The following NUBPL variants were observed in gnomAD, a reference collection of about 807,000 sequenced individuals.
NUBPL encodes the protein NUBP iron-sulfur cluster assembly factor, mitochondrial.
Under a neutral mutation model 45.7 loss-of-function variants are expected in NUBPL, and 31 were observed. The ratio of observed to expected loss-of-function variants is 0.68; its 90% CI spans 0.51 to 0.92. NUBPL has a LOEUF of 0.92. Ranked by LOEUF, NUBPL falls within the 40% of genes least tolerant of loss-of-function variation. The pLI, the probability that NUBPL is intolerant of heterozygous loss-of-function variation, is 0.00. For synonymous variants in NUBPL, 144 were observed against 140.9 expected, an observed-to-expected ratio of 1.02 and a Z score of -0.15; for missense variants, 401 against 398.7, an observed-to-expected ratio of 1.01 and a Z score of -0.05.
At chr14:31,771,934 A>G (rs2138765416) in intron 6 of NUBPL, 1 of 931,704 alleles carries the variant, frequency 1.1e-6, no homozygotes, top group Non-Finnish European at 1.3e-6. Context: ...CCTAGCATGC[A>G]GTATGCTAGT....
At chr14:31,790,715 G>A (rs2039365491) in intron 7 of NUBPL, among the ~76,000 whole-genome samples, 1 of 152,056 alleles carries the variant, frequency 6.6e-6, no homozygotes, top group Non-Finnish European at 1.5e-5. Flanking sequence ...GCCTGGTGTG[G>A]TGGCAGGCAC....
chr14:31,633,593 C>G (rs918015105), intron 4 of NUBPL, among the ~76,000 whole-genome samples: 2 of 152,072 alleles, frequency 1.3e-5, no homozygotes, highest in Non-Finnish European at 2.9e-5. Context: ...AGCTTTTGCT[C>G]GTTGTAGATA....
chr14:31,675,874 C>G (rs1203495809), intron 6 of NUBPL, among the ~76,000 whole-genome samples: 1 of 152,138 alleles, frequency 6.6e-6, no homozygotes, highest in Non-Finnish European at 1.5e-5. Flanking sequence ...ATAACCCAAT[C>G]AAACTAAATA....
rs529318863 is a variant in NUBPL at position 31,769,969 on chromosome 14, A to T, written c.514-17811A>T. On this transcript the variant is annotated intron_variant, in intron 6 of 10. Coordinates refer to ENST00000281081, the MANE Select transcript of NUBPL (RefSeq NM_025152.3). ...TAAACTGAACTTACTCCTTTATTTGATGAATAGATATCTGGATTCTTGTCT... is the reference window on the plus strand; with the variant it reads ...TAAACTGAACTTACTCCTTTATTTGTTGAATAGATATCTGGATTCTTGTCT... Among the ~76,000 whole-genome samples the T allele has an allele frequency of 7.0e-4, 107 of 152,236 alleles. 1 individual carries two copies. The South Asian group carries it at 0.021, about 30-fold the overall frequency.
chr14:31,707,799 G>A lies in NUBPL; in HGVS notation c.513+34225G>A, dbSNP rs534161246. ...GAGATCTAGAGTAGCTTGCTGGCAC[G>A]AGGCTTCTGAACTGGTAGCCAAAAG... On this transcript the variant is annotated intron_variant, in intron 6 of 10. Transcript: ENST00000281081. 1.2e-4 allele frequency among the ~76,000 whole-genome samples: 18 copies of A among 152,330 alleles called. No homozygotes were observed. In the East Asian group the frequency reaches 2.1e-3, roughly 18 times the overall value.
chr14:31,759,610 A>C (rs114976359), intron 6 of NUBPL, among the ~76,000 whole-genome samples: 1,558 of 152,074 alleles, frequency 0.01, 27 homozygotes, highest in African/African-American at 0.036. Context: ...ATGGTGTCCA[A>C]CTTACAATGA....
intron 8 of NUBPL, among the ~76,000 whole-genome samples, chr14:31,834,936 AC>A (rs2040258244): frequency 7.2e-5 from 11 of 152,274 alleles, no homozygotes; most frequent in Middle Eastern, 3.4e-3. Flanking sequence ...GACATCATGG[AC>A]TATCACAGGG....
intron 6 of NUBPL, among the ~76,000 whole-genome samples, chr14:31,727,056 T>A (rs933809897): frequency 6.6e-6 from 1 of 152,186 alleles, no homozygotes; most frequent in Non-Finnish European, 1.5e-5. Flanking sequence ...AGTTAGCGAA[T>A]AACCCACCAG....
rs188448288 is a variant in NUBPL at position 31,818,885 on chromosome 14, A to C, written c.608-7744A>C. Among the ~76,000 whole-genome samples, 278 of 152,228 alleles carry C rather than the reference A, an allele frequency of 1.8e-3. 1 individual carries two copies. The highest frequency in any genetic ancestry group is 6.4e-3 in the African/African-American group (264 of 41,556). On this transcript the variant is annotated intron_variant, in intron 7 of 10. Coordinates refer to ENST00000281081, the MANE Select transcript of NUBPL (RefSeq NM_025152.3). The stretch of plus-strand genomic sequence containing the variant: ...TTTCTGTAGGAAGATTTGTTTCTGA[A>C]GTGAGCAAAATAATGATTCATTTCT...
chr14:31,597,183 T>A (rs1291345765), intron 3 of NUBPL, among the ~76,000 whole-genome samples: 1 of 152,182 alleles, frequency 6.6e-6, no homozygotes, highest in Non-Finnish European at 1.5e-5. Flanking sequence ...GGTACTAAAT[T>A]TAGGTCAGTC....
rs117175902 is a variant in NUBPL, at chr14:31,793,114, A to G, written c.607+5241A>G. Among the ~76,000 whole-genome samples, 1,310 of 152,252 alleles carry G rather than the reference A, an allele frequency of 8.6e-3. 11 individuals carry two copies. The highest frequency in any genetic ancestry group is 0.014 in the South Asian group (66 of 4,822). ...TCCCTTTTCTTATGTCCCATATCCC[A>G]TAAACAACATAAGCTCTTTAGATTC... On this transcript the variant is annotated intron_variant, in intron 7 of 10. Coordinates refer to ENST00000281081, the MANE Select transcript of NUBPL (RefSeq NM_025152.3).
At chr14:31,665,526 T>C (rs766802444) in intron 4 of NUBPL, among the ~76,000 whole-genome samples, 2 of 152,236 alleles carry the variant, frequency 1.3e-5, no homozygotes, top group Non-Finnish European at 2.9e-5. Flanking sequence ...TTCCACGTAG[T>C]TGTGCAGTTT....
At chr14:31,713,614 G>A (rs942867483) in intron 6 of NUBPL, among the ~76,000 whole-genome samples, 1 of 152,132 alleles carries the variant, frequency 6.6e-6, no homozygotes, top group Admixed American at 6.5e-5. Flanking sequence ...CATGTGGATG[G>A]CACTATGAAT....
intron 4 of NUBPL, among the ~76,000 whole-genome samples, chr14:31,661,647 C>T (rs1365048837): frequency 1.3e-5 from 2 of 152,152 alleles, no homozygotes; most frequent in Non-Finnish European, 2.9e-5. Context: ...GTTCACACCA[C>T]TCTCCTGCCT....
At chr14:31,693,440 C>G (rs1595502725) in intron 6 of NUBPL, among the ~76,000 whole-genome samples, 2 of 152,136 alleles carry the variant, frequency 1.3e-5, no homozygotes, top group African/African-American at 4.8e-5. Flanking sequence ...TCCTCATCCA[C>G]CTCATCCAAA....
intron 4 of NUBPL, among the ~76,000 whole-genome samples, chr14:31,629,900 G>A (rs1282225147): frequency 2.0e-5 from 3 of 151,960 alleles, no homozygotes; most frequent in East Asian, 3.9e-4. Context: ...CCATTCTAAG[G>A]CCCATGATTT....
At position 31,561,422 on chromosome 14, in the gene NUBPL, A is replaced by G; in HGVS notation, c.-18A>G. 7.3e-7 allele frequency: 1 copy of G among 1,366,796 alleles called. No individual in the cohort carries two copies. The highest frequency in any genetic ancestry group is 9.6e-7 in the Non-Finnish European group (1 of 1,045,532). The allele number at this position is 1,366,796 out of a possible 1,614,324, so 84.7% of individuals were successfully genotyped here. On this transcript the variant is annotated 5_prime_UTR_variant, in exon 1 of 11. Coordinates refer to ENST00000281081, the MANE Select transcript of NUBPL (RefSeq NM_025152.3). ...CCGCGACAGTTTCCCAGCAGGGCTC[A>G]CAGCAGCGTTCCGCGTCATGGGGAT...
At position 31,683,477 on chromosome 14, in the gene NUBPL, G is replaced by A. The variant is rs143597378; in HGVS notation, c.513+9903G>A. 9.8e-3 allele frequency among the ~76,000 whole-genome samples: 1,445 copies of A among 146,780 alleles called. 26 individuals are homozygous for A. Among genetic ancestry groups the A allele is most frequent in the African/African-American group, 0.034 (1,350 of 39,654 alleles). On this transcript the variant is annotated intron_variant, in intron 6 of 10. Transcript: ENST00000281081. ...TGGTTCAAGCAGTTCTCCTGCCTCA[G>A]CCTCCCAAGTAGCTGGGATTACAGG...
At chr14:31,651,206 C>T (rs1332279760) in intron 4 of NUBPL, among the ~76,000 whole-genome samples, 1 of 151,964 alleles carries the variant, frequency 6.6e-6, no homozygotes, top group Non-Finnish European at 1.5e-5. Flanking sequence ...GATCTCAGCT[C>T]ACTGCAACCT....
Sources: gnomAD v4.1 joint callset for allele counts (sites outside exome capture counted in the v4.1 genomes callset) on GRCh38, gnomAD v4.1.1 for gene constraint, MANE v1.5 for transcripts, NCBI Gene and HGNC (gene_info 2026-07-23, HGNC 2026-07-21) for gene names.